The following CELF4 variants were observed in gnomAD, a reference collection of about 807,000 sequenced individuals.
CELF4 encodes CUGBP Elav-like family member 4.
A neutral mutation model predicts 59.9 loss-of-function variants in CELF4; 18 were observed. That is an observed-to-expected ratio of 0.30 (90% CI 0.21 to 0.45). The LOEUF (loss-of-function observed/expected upper bound fraction) is 0.45, where lower values mean the gene tolerates loss of function less well. CELF4 is among the 20% of genes least tolerant of loss of function. The pLI is 1.00. For missense variants in CELF4, 456 were observed against 689.0 expected (o/e 0.66, Z 3.79); for synonymous variants, 261 against 267.1 (o/e 0.98, Z 0.22).
chr18:37,470,170 G>A (rs1435956317), intron 2 of CELF4, among the ~76,000 whole-genome samples: 2 of 152,288 alleles, frequency 1.3e-5, no homozygotes, highest in East Asian at 3.9e-4. Flanking sequence ...TGTAAAGTTG[G>A]CCTTTGAAAA....
chr18:37,314,522 A>G (rs2096791752), intron 3 of CELF4, among the ~76,000 whole-genome samples: 1 of 152,224 alleles, frequency 6.6e-6, no homozygotes, highest in African/African-American at 2.4e-5. Context: ...ATGGGCTCCC[A>G]GGTCCAGATA....
At chr18:37,252,748 C>T (rs538772773) in intron 12 of CELF4, among the ~76,000 whole-genome samples, 3 of 150,602 alleles carry the variant, frequency 2.0e-5, no homozygotes, top group South Asian at 2.2e-4. Context: ...TTTGATCACA[C>T]GTCATTGTTT....
intron 2 of CELF4, among the ~76,000 whole-genome samples, chr18:37,455,383 C>G (rs904596798): frequency 2.6e-5 from 4 of 152,220 alleles, no homozygotes; most frequent in African/African-American, 9.6e-5. Context: ...TATTCTACCT[C>G]TTCTCCCTTC....
chr18:37,528,190 G>C (rs1483041880), intron 1 of CELF4, among the ~76,000 whole-genome samples: 1 of 152,192 alleles, frequency 6.6e-6, no homozygotes, highest in African/African-American at 2.4e-5. Context: ...TGTGAGTAAG[G>C]AGTTTGAGGA....
intron 3 of CELF4, among the ~76,000 whole-genome samples, chr18:37,282,663 G>A (rs1348063104): frequency 6.6e-6 from 1 of 152,166 alleles, no homozygotes; most frequent in African/African-American, 2.4e-5. Context: ...TCCCATCCTT[G>A]GAGGCTGAGA....
chr18:37,285,027 C>T (rs2094591199), intron 3 of CELF4, among the ~76,000 whole-genome samples: 1 of 152,128 alleles, frequency 6.6e-6, no homozygotes, highest in Non-Finnish European at 1.5e-5. Context: ...CTGCACAGAC[C>T]ACTGGCAAAA....
intron 2 of CELF4, among the ~76,000 whole-genome samples, chr18:37,397,515 A>T (rs1385148915): frequency 6.6e-6 from 1 of 152,076 alleles, no homozygotes; most frequent in African/African-American, 2.4e-5. Context: ...ATTGGTTGGG[A>T]TCCCTAAACT....
At chr18:37,307,994 T>G (rs1466601665) in intron 3 of CELF4, among the ~76,000 whole-genome samples, 1 of 152,106 alleles carries the variant, frequency 6.6e-6, no homozygotes, top group Non-Finnish European at 1.5e-5. Flanking sequence ...TGCATGTTCC[T>G]GGAGGTCTGG....
intron 2 of CELF4, among the ~76,000 whole-genome samples, chr18:37,353,046 C>A (rs1452506094): frequency 2.6e-5 from 4 of 151,726 alleles, no homozygotes; most frequent in Admixed American, 6.6e-5. Context: ...ACGGTGAAAC[C>A]CTGTCTCTAC....
chr18:37,433,061 G>A lies in CELF4; in HGVS notation c.369+52464C>T, dbSNP rs537956252. ...TACAAAACCAATGAGTGGATTGAAC[G>A]CCTGTGGGAGGTGAGCAGTGAGGGA... On this transcript the variant is annotated intron_variant, in intron 2 of 12. Transcript: ENST00000420428. Among the ~76,000 whole-genome samples, 8 of 152,298 alleles carry A rather than the reference G, an allele frequency of 5.3e-5. No individual in the cohort carries two copies. The South Asian group carries it at 6.2e-4, about 12-fold the overall frequency.
intron 2 of CELF4, among the ~76,000 whole-genome samples, chr18:37,373,344 G>A (rs1232297108): frequency 6.6e-6 from 1 of 152,182 alleles, no homozygotes; most frequent in Non-Finnish European, 1.5e-5. Flanking sequence ...CAGATGTGGA[G>A]GGGACGACCA....
chr18:37,552,539 G>T (rs1306864422), intron 1 of CELF4, among the ~76,000 whole-genome samples: 1 of 152,230 alleles, frequency 6.6e-6, no homozygotes, highest in African/African-American at 2.4e-5. Context: ...GGTCTGCAGG[G>T]ATGCTCTCCT....
chr18:37,451,587 C>T (rs1291825136), intron 2 of CELF4, among the ~76,000 whole-genome samples: 1 of 152,188 alleles, frequency 6.6e-6, no homozygotes, highest in Non-Finnish European at 1.5e-5. Flanking sequence ...CTGCCTTGCA[C>T]TTCCCTCCAC....
intron 1 of CELF4, among the ~76,000 whole-genome samples, chr18:37,520,320 C>T (rs2099955867): frequency 6.6e-6 from 1 of 152,184 alleles, no homozygotes; most frequent in Non-Finnish European, 1.5e-5. Flanking sequence ...GTGCACTTGG[C>T]ACTTTCCAGA....
At chr18:37,346,295 C>A (rs1455046369) in intron 2 of CELF4, among the ~76,000 whole-genome samples, 6 of 152,120 alleles carry the variant, frequency 3.9e-5, no homozygotes, top group Non-Finnish European at 5.9e-5. Context: ...AGGGGACATA[C>A]CCAGAATGCT....
At position 37,246,753 on chromosome 18, in the gene CELF4, G is replaced by A. The variant is rs2062330504; in HGVS notation, c.*45-1556C>T. 6.6e-6 allele frequency: 1 copy of A among 152,036 alleles called. No individual in the cohort carries two copies. Among genetic ancestry groups the A allele is most frequent in the African/African-American group, 2.4e-5 (1 of 41,396 alleles). The allele number at this position is 152,036 out of a possible 1,614,324, so 9.4% of individuals were successfully genotyped here. The stretch of plus-strand genomic sequence containing the variant: ...ATCAACCACGCATAGATATTTTTAA[G>A]ATGTTTTCCTTATTTTTAAGAAAAA... On this transcript the variant is annotated intron_variant, in intron 12 of 12. Coordinates refer to ENST00000420428, the MANE Select transcript of CELF4 (RefSeq NM_020180.4). The surrounding 1 kb of genome is among the most constrained non-coding windows in gnomAD (Gnocchi z 5.3).
intron 3 of CELF4, among the ~76,000 whole-genome samples, chr18:37,281,807 C>T (rs558907057): frequency 5.3e-5 from 8 of 152,174 alleles, no homozygotes; most frequent in Non-Finnish European, 1.2e-4. Flanking sequence ...CAGTGGCCCC[C>T]CCAGGGTGCC....
At chr18:37,517,855 C>T (rs1284943345) in intron 1 of CELF4, among the ~76,000 whole-genome samples, 1 of 152,194 alleles carries the variant, frequency 6.6e-6, no homozygotes, top group East Asian at 1.9e-4. Flanking sequence ...GGATTCATTG[C>T]ACTTACACAG....
At chr18:37,358,361 G>A (rs653015) in intron 2 of CELF4, among the ~76,000 whole-genome samples, 126,539 of 152,236 alleles carry the variant, frequency 0.83, 52,686 homozygotes, top group East Asian at 0.92. Context: ...GACTTGCTTC[G>A]CCTTGCCTTC....
Sources: gnomAD v4.1 joint callset for allele counts (sites outside exome capture counted in the v4.1 genomes callset) on GRCh38, gnomAD v4.1.1 for gene constraint, Gnocchi (gnomAD v3.1) non-coding constraint, MANE v1.5 for transcripts, NCBI Gene and HGNC (gene_info 2026-07-23, HGNC 2026-07-21) for gene names.